TPO: variants seen among roughly 807,000 people sequenced by gnomAD.
The protein encoded by TPO is thyroid peroxidase.
A neutral mutation model predicts 96.9 loss-of-function variants in TPO; 78 were observed. That is an observed-to-expected ratio of 0.81 (90% confidence interval 0.67 to 0.97). The LOEUF is 0.97. Ranked by LOEUF, TPO falls within the 50% of genes least tolerant of loss-of-function variation. The probability of loss-of-function intolerance (pLI) is 0.00; values close to 1 mark genes in which losing one functional copy is unlikely to be tolerated. For missense variants in TPO, 1,252 were observed against 1,274.8 expected (o/e 0.98, Z 0.27); for synonymous variants, 547 against 538.0 (o/e 1.02, Z -0.23).
chr2:1,529,948 C>T (rs1677680115), intron 15 of TPO, among the ~76,000 whole-genome samples: 1 of 82,318 alleles, frequency 1.2e-5, no homozygotes, highest in South Asian at 4.4e-4. Context: ...CCATATCCCC[C>T]CAACTCTGTG....
intron 14 of TPO, chr2:1,512,557 C>T (rs1674266342): frequency 1.1e-6 from 1 of 898,174 alleles, no homozygotes; most frequent in Non-Finnish European, 1.3e-6. Context: ...GGGCTCCTGG[C>T]TGCCGAACCT....
chr2:1,488,491 C>T lies in TPO; in HGVS notation c.1768+500C>T, dbSNP rs138825700. ...AGCCCCCTGTGCTCCCCACACCCCA[C>T]CCGGCTCCTGCCTTTCCCAGGCCCC... On this transcript the variant is annotated intron_variant, in intron 10 of 16. Coordinates refer to ENST00000329066, the MANE Select transcript of TPO (RefSeq NM_001206744.2). 8.4e-3 allele frequency among the ~76,000 whole-genome samples: 1,281 copies of T among 152,228 alleles called. 21 individuals carry two copies. The highest frequency in any genetic ancestry group is 0.029 in the African/African-American group (1,207 of 41,530).
intron 1 of TPO, among the ~76,000 whole-genome samples, chr2:1,399,849 T>A (rs903122788): frequency 7.2e-5 from 11 of 152,232 alleles, no homozygotes; most frequent in Non-Finnish European, 2.9e-5. Flanking sequence ...ACAAGGCACA[T>A]CAACGGGTGC....
At chr2:1,421,436 G>A (rs765404870) in intron 2 of TPO, among the ~76,000 whole-genome samples, 39 of 151,660 alleles carry the variant, frequency 2.6e-4, no homozygotes, top group Non-Finnish European at 3.7e-4. Context: ...GAGCTGCCGC[G>A]TCACTCGGAG....
At position 1,537,024 on chromosome 2, in the gene TPO, CCTCA is replaced by C. The variant is rs1679858471; in HGVS notation, c.2619-3569_2619-3566del. Among the ~76,000 whole-genome samples, 49 of 45,594 alleles carry C rather than the reference CCTCA, an allele frequency of 1.1e-3. 3 individuals are homozygous for C. Among genetic ancestry groups the C allele is most frequent in the East Asian group, 2.1e-3 (2 of 954 alleles). The allele number at this position is 45,594 out of a possible 152,430, so 29.9% of individuals were successfully genotyped here. ...CAAATCCCCCCACTGTGTGCAACGT[CCTCA>C]AATACCCCCACTGTGTGCAACCTCC... is the stretch of plus-strand genomic sequence containing the variant. On this transcript the variant is annotated intron_variant, in intron 15 of 16. Coordinates refer to ENST00000329066, the MANE Select transcript of TPO (RefSeq NM_001206744.2).
At chr2:1,380,206 AAT>A (rs1661786736) in intron 1 of TPO, among the ~76,000 whole-genome samples, 1 of 152,076 alleles carries the variant, frequency 6.6e-6, no homozygotes, top group Non-Finnish European at 1.5e-5. Flanking sequence ...CATCCTGGCT[AAT>A]ACGGTGAAAC....
intron 13 of TPO, among the ~76,000 whole-genome samples, chr2:1,500,765 C>A (rs1414779488): frequency 6.6e-6 from 1 of 151,984 alleles, no homozygotes; most frequent in African/African-American, 2.4e-5. Flanking sequence ...AGGAGTTCAA[C>A]ACCAGCCTGG....
intron 10 of TPO, among the ~76,000 whole-genome samples, chr2:1,493,534 TCA>T (rs10573336): frequency 1.9e-3 from 156 of 81,668 alleles, no homozygotes; most frequent in African/African-American, 7.7e-3. Context: ...CTGGGCAGTG[TCA>T]CAGGGTGGGA....
chr2:1,528,711 A>G (rs1677223547), intron 15 of TPO, among the ~76,000 whole-genome samples: 1 of 114,968 alleles, frequency 8.7e-6, no homozygotes, highest in African/African-American at 3.6e-5. Context: ...AACCTCCCCA[A>G]ATCCCACCCA....
rs768479756 is a variant in TPO, at chr2:1,414,489, A to G, written c.81A>G (p.Lys27=). ...EAFFPFISRG[K]ELLWGKPEES... ...TCTTCCCCTTCATCTCGAGAGGGAAAGAACTCCTTTGGGGTAAGTAGCAAA... is the reference window on the plus strand; with the variant it reads ...TCTTCCCCTTCATCTCGAGAGGGAAGGAACTCCTTTGGGGTAAGTAGCAAA... The change falls in exon 2 of 17, where the codon AAA becomes AAG. Residue 27 remains lysine, a synonymous_variant. Coordinates refer to ENST00000329066, the MANE Select transcript of TPO (RefSeq NM_001206744.2). 15 of 1,613,940 alleles carry G rather than the reference A, an allele frequency of 9.3e-6. No homozygotes were observed. The African/African-American group carries it at 1.9e-4, about 20-fold the overall frequency.
In TPO at chr2:1,401,668, G is replaced by T. The variant is rs937465678; in HGVS notation, n.180+27266G>T. 2.6e-5 allele frequency among the ~76,000 whole-genome samples: 4 copies of T among 152,066 alleles called. No homozygotes were observed. In the South Asian group the frequency reaches 8.3e-4, roughly 32 times the overall value. On this transcript the variant is annotated intron_variant and non_coding_transcript_variant, in intron 1 of 5. Coordinates refer to the TPO transcript ENST00000497517. ...CTGCTACCTCCTCCTCCTGGCATGG[G>T]TTTGATCCCTAATAAGCATTCTGTA...
At chr2:1,489,650 C>CTGAA (rs59667255) in intron 10 of TPO, among the ~76,000 whole-genome samples, 20,220 of 150,322 alleles carry the variant, frequency 0.13, 1,605 homozygotes, top group African/African-American at 0.21. Context: ...GGAACCCTCA[C>CTGAA]TGAATGAATG....
chr2:1,436,349 C>T lies in TPO; in HGVS notation c.447C>T (p.Asn149=). 2 of 1,614,220 alleles carry T rather than the reference C, an allele frequency of 1.2e-6. No individual in the cohort carries two copies. Among genetic ancestry groups the T allele is most frequent in the Non-Finnish European group, 1.7e-6 (2 of 1,180,044 alleles). The part of the protein sequence containing the change: ...PPKCPNTCLA[N]KYRPITGACN... ...AATGCCCAAACACTTGCCTGGCGAA[C>T]AAATACAGGCCCATCACAGGAGCTT... Residue 149 remains asparagine, a synonymous_variant, in exon 5 of 17, where the codon AAC becomes AAT. Transcript: ENST00000329066.
chr2:1,403,816 G>A (rs1662206965), intron 1 of TPO, among the ~76,000 whole-genome samples: 1 of 152,166 alleles, frequency 6.6e-6, no homozygotes, highest in South Asian at 2.1e-4. Flanking sequence ...GGTGTGACCA[G>A]AGCACGCCGG....
At chr2:1,400,160 A>G (rs982841480) in intron 1 of TPO, among the ~76,000 whole-genome samples, 1 of 152,174 alleles carries the variant, frequency 6.6e-6, no homozygotes, top group Admixed American at 6.5e-5. Context: ...CTCCTAGGTT[A>G]TAAAAAAATA....
intron 15 of TPO, 114 bp from the exon 16 acceptor site, chr2:1,540,468 AGTGGGTTGGAGT>A: frequency 1.3e-6 from 2 of 1,590,364 alleles, no homozygotes; most frequent in Non-Finnish European, 1.7e-6. Flanking sequence ...GTGAAATGAA[AGTGGGTTGGAGT>A]GTTCCTGCCA....
chr2:1,431,109 T>A lies in TPO; in HGVS notation c.180-2329T>A, dbSNP rs1019316774. 1.6e-4 allele frequency among the ~76,000 whole-genome samples: 25 copies of A among 152,236 alleles called. No homozygotes were observed. In the East Asian group the frequency reaches 4.8e-3, roughly 29 times the overall value. ...CCCCCTTAAATCTCATGTTAAAATG[T>A]GATTCTGGATGTTGGAGGTGAGGCC... On this transcript the variant is annotated intron_variant, in intron 3 of 16. Transcript: ENST00000329066.
At chr2:1,468,469 T>C (rs1242886465) in intron 7 of TPO, among the ~76,000 whole-genome samples, 2 of 152,198 alleles carry the variant, frequency 1.3e-5, no homozygotes, top group African/African-American at 4.8e-5. Context: ...TTATGAAGCT[T>C]AGCTTTGCTG....
chr2:1,540,668 AGCACCAGGCCGTAGGGACCTCACC>A lies in TPO; in HGVS notation c.2697_2720del (p.His899_Pro906del). 6.2e-7 allele frequency: 1 copy of A among 1,613,470 alleles called. No homozygotes were observed. On this transcript the variant is annotated inframe_deletion, in exon 16 of 17. Transcript: ENST00000329066. The stretch of plus-strand genomic sequence containing the variant: ...GGAACTCCCGAGCTGAGATGCGGAA[AGCACCAGGCCGTAGGGACCTCACC>A]GCAGCGGGCCGCAGCTCAGGACTCG...
Sources: allele counts gnomAD v4.1 joint callset (sites outside exome capture counted in the v4.1 genomes callset), GRCh38; gene constraint gnomAD v4.1.1; transcripts MANE v1.5; gene names NCBI Gene and HGNC (gene_info 2026-07-23, HGNC 2026-07-21).